Variants in OSTN observed in about 807,000 individuals in gnomAD.
OSTN encodes the protein osteocrin.
In OSTN, 9 loss-of-function variants were observed where a neutral mutation model predicts 12.0. That is an observed-to-expected ratio of 0.75 (90% CI 0.45 to 1.30). The LOEUF is 1.30. Among genes scored for constraint, OSTN ranks in the 50% most tolerant of loss-of-function variants. The pLI is 0.00. For missense variants in OSTN, 148 were observed against 152.3 expected, an observed-to-expected ratio of 0.97 and a Z score of 0.15; for synonymous variants, 59 against 56.9, an observed-to-expected ratio of 1.04 and a Z score of -0.16.
intron 3 of OSTN, among the ~76,000 whole-genome samples, chr3:191,237,625 C>T (rs1715226949): frequency 6.6e-6 from 1 of 152,200 alleles, no homozygotes; most frequent in South Asian, 2.1e-4. Context: ...AGGTCATGTA[C>T]CAGTTAAATG....
At chr3:191,202,450 G>C (rs1415287756) in intron 1 of OSTN, among the ~76,000 whole-genome samples, 2 of 152,138 alleles carry the variant, frequency 1.3e-5, no homozygotes, top group African/African-American at 4.8e-5. Context: ...CCCAGTATCT[G>C]ACATGCAGTG....
At position 191,263,047 on chromosome 3, in the gene OSTN, T is replaced by G. The variant is rs1715847295; in HGVS notation, c.*194T>G. 1.1e-5 allele frequency: 6 copies of G among 541,724 alleles called. No individual in the cohort carries two copies. The highest frequency in any genetic ancestry group is 2.0e-5 in the Non-Finnish European group (6 of 303,910). The allele number at this position is 541,724 out of a possible 1,614,324, so 33.6% of individuals were successfully genotyped here. ...TTCAATTAAATTGTGTAAATCATTT[T>G]GATGCACGTACATTTTAAAATTATA... On this transcript the variant is annotated 3_prime_UTR_variant, in exon 5 of 5. Transcript: ENST00000682035.
chr3:191,219,317 A>G lies in OSTN; in HGVS notation c.317+356A>G, dbSNP rs186604506. The stretch of plus-strand genomic sequence containing the variant: ...ACTGAGTTTTCCATTTACTAGAGGT[A>G]ACAGGAATACCCTTTGGTTTTTACC... On this transcript the variant is annotated intron_variant, in intron 3 of 4. Transcript: ENST00000682035. Among the ~76,000 whole-genome samples the G allele has an allele frequency of 3.3e-5, 5 of 152,340 alleles. No homozygotes were observed. The East Asian group carries it at 7.7e-4, about 23-fold the overall frequency.
intron 1 of OSTN, among the ~76,000 whole-genome samples, chr3:191,205,775 A>G (rs1714259204): frequency 6.6e-6 from 1 of 152,180 alleles, no homozygotes; most frequent in Non-Finnish European, 1.5e-5. Context: ...AAGAGAGGAT[A>G]TAACTGCATT....
intron 1 of OSTN, among the ~76,000 whole-genome samples, chr3:191,199,742 T>G (rs1714111099): frequency 6.6e-6 from 1 of 152,098 alleles, no homozygotes; most frequent in African/African-American, 2.4e-5. Flanking sequence ...ATCCCTAAAC[T>G]AATGAAATTC....
At chr3:191,238,165 C>T (rs188851815) in intron 3 of OSTN, among the ~76,000 whole-genome samples, 1 of 151,606 alleles carries the variant, frequency 6.6e-6, no homozygotes, top group Non-Finnish European at 1.5e-5. Flanking sequence ...GTGGGAAACA[C>T]AAAAAAGGGA....
intron 1 of OSTN, among the ~76,000 whole-genome samples, chr3:191,199,689 G>A (rs945042602): frequency 6.6e-6 from 1 of 151,896 alleles, no homozygotes. Context: ...AAAAAGAAAG[G>A]TTTTTTCCTC....
At chr3:191,199,922 A>G (rs1242880217) in intron 1 of OSTN, among the ~76,000 whole-genome samples, 2 of 152,134 alleles carry the variant, frequency 1.3e-5, no homozygotes, top group Non-Finnish European at 2.9e-5. Context: ...AATCTGAAAC[A>G]TACATTTGAG....
intron 1 of OSTN, among the ~76,000 whole-genome samples, chr3:191,211,349 ATTTAC>A (rs1427820731): frequency 6.6e-6 from 1 of 152,204 alleles, no homozygotes; most frequent in African/African-American, 2.4e-5. Flanking sequence ...TATTTAAGTC[ATTTAC>A]TTTAAATCAG....
chr3:191,255,486 C>T (rs192536779), intron 4 of OSTN, among the ~76,000 whole-genome samples: 91 of 152,338 alleles, frequency 6.0e-4, no homozygotes, highest in Non-Finnish European at 9.3e-4. Context: ...AAATATACCA[C>T]TCCACTCAAA....
intron 3 of OSTN, among the ~76,000 whole-genome samples, chr3:191,249,088 T>G (rs540491093): frequency 1.3e-5 from 2 of 152,366 alleles, no homozygotes; most frequent in Non-Finnish European, 2.9e-5. Flanking sequence ...ACCTCTTTTC[T>G]GCATGTATAT....
intron 3 of OSTN, among the ~76,000 whole-genome samples, chr3:191,248,911 C>T (rs1000211684): frequency 2.6e-5 from 4 of 152,180 alleles, no homozygotes; most frequent in South Asian, 2.1e-4. Flanking sequence ...ATCACACCAT[C>T]GTACTCCAGC....
At chr3:191,223,047 T>C (rs1042456031) in intron 3 of OSTN, among the ~76,000 whole-genome samples, 1 of 152,190 alleles carries the variant, frequency 6.6e-6, no homozygotes, top group Non-Finnish European at 1.5e-5. Context: ...TTCTTTCCTT[T>C]ATGAATTACC....
intron 1 of OSTN, among the ~76,000 whole-genome samples, chr3:191,200,555 A>G (rs879306112): frequency 6.6e-6 from 1 of 152,140 alleles, no homozygotes; most frequent in Admixed American, 6.6e-5. Flanking sequence ...ATCCTAATAT[A>G]TCATTCTAGC....
intron 3 of OSTN, among the ~76,000 whole-genome samples, chr3:191,232,071 C>A (rs1715070356): frequency 6.6e-6 from 1 of 151,768 alleles, no homozygotes; most frequent in South Asian, 2.1e-4. Flanking sequence ...TGGCTCATGC[C>A]TGTAATTCCA....
At chr3:191,222,800 GAAT>G (rs1239933641) in intron 3 of OSTN, among the ~76,000 whole-genome samples, 2 of 152,046 alleles carry the variant, frequency 1.3e-5, no homozygotes, top group Non-Finnish European at 2.9e-5. Context: ...GGAGGTAATT[GAAT>G]CATGGGGGTG....
At chr3:191,229,463 G>A (rs964433314) in intron 3 of OSTN, among the ~76,000 whole-genome samples, 27 of 152,110 alleles carry the variant, frequency 1.8e-4, no homozygotes, top group Admixed American at 1.4e-3. Flanking sequence ...AGTGGGAGTG[G>A]AACGGATGAA....
intron 3 of OSTN, among the ~76,000 whole-genome samples, chr3:191,237,937 C>T (rs186554281): frequency 1.3e-5 from 2 of 152,288 alleles, no homozygotes; most frequent in Admixed American, 1.3e-4. Context: ...TTGAGAATAG[C>T]AATGCCAGAT....
At chr3:191,250,196 TAATC>T in intron 4 of OSTN, 63 bp downstream of exon 4, 6 of 1,233,748 alleles carry the variant, frequency 4.9e-6, no homozygotes, top group Non-Finnish European at 5.9e-6. Context: ...CACAATGGAC[TAATC>T]AATCCATTCT....
Sources: gnomAD v4.1 joint callset for allele counts (sites outside exome capture counted in the v4.1 genomes callset) on GRCh38, gnomAD v4.1.1 for gene constraint, MANE v1.5 for transcripts, NCBI Gene and HGNC (gene_info 2026-07-23, HGNC 2026-07-21) for gene names.